The following TAF15 variants were observed in gnomAD, a reference collection of about 807,000 sequenced individuals.
TAF15 encodes TATA-binding protein-associated factor 2N.
Under a neutral mutation model 102.5 loss-of-function variants are expected in TAF15, and 37 were observed. The ratio of observed to expected loss-of-function variants is 0.36; its 90% confidence interval spans 0.28 to 0.47. TAF15 has a LOEUF of 0.47. Among genes scored for constraint, TAF15 ranks in the 20% least tolerant of loss-of-function variants. TAF15 has a pLI of 0.99. For missense variants in TAF15, 652 were observed against 760.7 expected, an observed-to-expected ratio of 0.86 and a Z score of 1.68; for synonymous variants, 273 against 259.2, an observed-to-expected ratio of 1.05 and a Z score of -0.51.
chr17:35,845,859 G>A (rs1368324287), intron 15 of TAF15, among the ~76,000 whole-genome samples: 1 of 152,166 alleles, frequency 6.6e-6, no homozygotes, highest in African/African-American at 2.4e-5. Context: ...TTCTCATAAA[G>A]ATAATTGAGA....
At chr17:35,820,619 C>T (rs1023822043) in intron 5 of TAF15, among the ~76,000 whole-genome samples, 182 bp downstream of exon 5, 16 of 151,324 alleles carry the variant, frequency 1.1e-4, no homozygotes, top group Admixed American at 6.6e-4. Context: ...TCATTTGATT[C>T]TTATGATGTA....
chr17:35,820,777 T>A (rs1172799960), intron 5 of TAF15, among the ~76,000 whole-genome samples: 3 of 152,148 alleles, frequency 2.0e-5, no homozygotes, highest in Non-Finnish European at 4.4e-5. Flanking sequence ...ATTTTATTTT[T>A]GAACCATTTG....
At chr17:35,811,797 A>T (rs1302543013) in intron 1 of TAF15, among the ~76,000 whole-genome samples, 1 of 152,270 alleles carries the variant, frequency 6.6e-6, no homozygotes, top group African/African-American at 2.4e-5. Context: ...AACGAATTCA[A>T]ATCAGTTACA....
In TAF15 at chr17:35,822,810, A is replaced by G; in HGVS notation, c.461A>G (p.Glu154Gly). ...CAGCAGTCCTATCATTCACAAAGGG[A>G]AAACTACAGCCACCACACACAAGGT... ...QNQQSYHSQR[E>G]NYSHHTQDDR... The change falls in exon 6 of 16, where the codon GAA becomes GGA. Residue 154 changes from glutamate to glycine, a missense_variant. Glu to Gly is a moderately conservative substitution (Grantham distance 98). Around this residue, in one of 3 missense-constraint regions of TAF15, gnomAD observed 243 missense variants for 284.1 expected, o/e 0.86. Coordinates refer to ENST00000605844, the MANE Select transcript of TAF15 (RefSeq NM_139215.3). The G allele has an allele frequency of 2.5e-6, 4 of 1,614,184 alleles. No individual in the cohort carries two copies. In the South Asian group the frequency reaches 4.4e-5, roughly 18 times the overall value.
intron 2 of TAF15, chr17:35,818,315 T>C: frequency 6.5e-6 from 1 of 153,924 alleles, no homozygotes; most frequent in Non-Finnish European, 1.4e-5. Flanking sequence ...CAGGATGGTC[T>C]CGATCTCCTG....
intron 10 of TAF15, among the ~76,000 whole-genome samples, chr17:35,837,073 G>A (rs373552005): frequency 2.6e-5 from 4 of 151,962 alleles, no homozygotes; most frequent in Admixed American, 2.0e-4. Flanking sequence ...CACCGTGCCC[G>A]GCCTACTCAC....
chr17:35,822,944 A>G (rs905678680), intron 6 of TAF15, 111 bp downstream of exon 6: 1 of 1,305,432 alleles, frequency 7.7e-7, no homozygotes, highest in Non-Finnish European at 1.1e-6. Context: ...AATTTAGGGT[A>G]ACCTTGAAGA....
chr17:35,810,392 GAGAA>G (rs2063032197), intron 1 of TAF15: 1 of 152,490 alleles, frequency 6.6e-6, no homozygotes, highest in African/African-American at 2.4e-5. Context: ...TTGTGTGGAA[GAGAA>G]AGAGAGGCAT....
At chr17:35,835,525 C>G (rs1163249845) in intron 9 of TAF15, among the ~76,000 whole-genome samples, 1 of 152,206 alleles carries the variant, frequency 6.6e-6, no homozygotes, top group Non-Finnish European at 1.5e-5. Flanking sequence ...CCAAAGTATT[C>G]TATGTGGATG....
chr17:35,841,578 A>AT lies in TAF15; in HGVS notation c.914-783dup, dbSNP rs2087546048. Among the ~76,000 whole-genome samples the AT allele has an allele frequency of 6.0e-5, 9 of 149,042 alleles. 1 individual carries two copies. In the South Asian group the frequency reaches 1.9e-3, roughly 31 times the overall value. On this transcript the variant is annotated intron_variant, in intron 11 of 15. Transcript: ENST00000605844. ...CACCACACCCAGTTAATTTTTTTGTATTTTTTGTAGAGACAGGGTTTCCCC... is the reference window on the plus strand; with the variant it reads ...CACCACACCCAGTTAATTTTTTTGTATTTTTTTGTAGAGACAGGGTTTCCCC...
intron 9 of TAF15, among the ~76,000 whole-genome samples, chr17:35,835,446 A>G (rs1259659705): frequency 1.3e-5 from 2 of 152,248 alleles, no homozygotes; most frequent in Admixed American, 1.3e-4. Flanking sequence ...GTTGAAAGTT[A>G]TAATTTAGAG....
intron 5 of TAF15, 92 bp downstream of exon 5, chr17:35,820,529 C>A: frequency 5.2e-6 from 5 of 959,740 alleles, no homozygotes; most frequent in Non-Finnish European, 7.5e-6. Flanking sequence ...TAGCTTTAAA[C>A]TTTTTTTTTT....
At chr17:35,835,295 G>A (rs778556861) in intron 9 of TAF15, among the ~76,000 whole-genome samples, 4 of 152,208 alleles carry the variant, frequency 2.6e-5, no homozygotes, top group Non-Finnish European at 5.9e-5. Flanking sequence ...TTGGTAGTCT[G>A]CTTAAGTGTG....
At chr17:35,826,908 G>A (rs2087337710) in intron 7 of TAF15, among the ~76,000 whole-genome samples, 1 of 150,982 alleles carries the variant, frequency 6.6e-6, no homozygotes, top group Non-Finnish European at 1.5e-5. Context: ...ATTTTTATGT[G>A]TCATAACATC....
chr17:35,814,524 A>C (rs547573063), intron 1 of TAF15, among the ~76,000 whole-genome samples: 3 of 152,074 alleles, frequency 2.0e-5, no homozygotes, highest in East Asian at 3.9e-4. Flanking sequence ...GTAATGTTAA[A>C]AGGAAATCAC....
At position 35,838,544 on chromosome 17, in the gene TAF15, T is replaced by A; in HGVS notation, c.904T>A (p.Trp302Arg). ...TCCTTCAGCTAAGGCAGCCATTGACTGGTTTGATGGTATGCCTCATTCGTA... is the reference window on the plus strand; with the variant it reads ...TCCTTCAGCTAAGGCAGCCATTGACAGGTTTGATGGTATGCCTCATTCGTA... ...DPPSAKAAID[W>R]FDGKEFHGNI... The change falls in exon 11 of 16, where the codon TGG (tryptophan) becomes AGG (arginine). Residue 302 changes from tryptophan to arginine, a missense_variant. By Grantham distance (101) the Trp-to-Arg change is moderately radical. Transcript: ENST00000605844. 1 of 1,614,216 alleles carries A rather than the reference T, an allele frequency of 6.2e-7. No individual in the cohort carries two copies. The highest frequency in any genetic ancestry group is 8.5e-7 in the Non-Finnish European group (1 of 1,180,040).
intron 7 of TAF15, chr17:35,830,142 A>AG (rs1361589561): frequency 6.6e-6 from 1 of 151,374 alleles, no homozygotes; most frequent in African/African-American, 2.4e-5. Flanking sequence ...CTCTTGTCTC[A>AG]GAAAAAAAAA....
chr17:35,829,782 A>G (rs2087380165), intron 7 of TAF15, among the ~76,000 whole-genome samples: 1 of 152,062 alleles, frequency 6.6e-6, no homozygotes, highest in Admixed American at 6.6e-5. Context: ...CCCTCAGAGT[A>G]TGCCTTCGTG....
intron 11 of TAF15, 94 bp downstream of exon 11, chr17:35,838,647 C>T (rs2087504571): frequency 5.7e-6 from 9 of 1,573,144 alleles, no homozygotes; most frequent in Admixed American, 1.7e-5. Flanking sequence ...TGATTATATT[C>T]ATGTTTACTT....
Sources: allele counts gnomAD v4.1 joint callset (sites outside exome capture counted in the v4.1 genomes callset), GRCh38; gene constraint gnomAD v4.1.1; regional missense constraint gnomAD v4.1.1; transcripts MANE v1.5; gene names NCBI Gene and HGNC (gene_info 2026-07-23, HGNC 2026-07-21).